The following ERBB4 variants were observed in gnomAD, a reference collection of about 807,000 sequenced individuals.
ERBB4 encodes the protein erb-b2 receptor tyrosine kinase 4.
Under a neutral mutation model 158.0 loss-of-function variants are expected in ERBB4, and 42 were observed. The observed-to-expected ratio is 0.27, with a 90% CI of 0.21 to 0.34. The LOEUF is 0.34. Ranked by LOEUF, ERBB4 falls within the 10% of genes least tolerant of loss-of-function variation. The pLI is 1.00. For missense variants in ERBB4, 1,333 were observed against 1,624.1 expected, an observed-to-expected ratio of 0.82 and a Z score of 3.08; for synonymous variants, 583 against 558.7, an observed-to-expected ratio of 1.04 and a Z score of -0.61.
At chr2:212,479,063 T>C (rs1179004464) in intron 1 of ERBB4, among the ~76,000 whole-genome samples, 1 of 152,198 alleles carries the variant, frequency 6.6e-6, no homozygotes, top group Non-Finnish European at 1.5e-5. Context: ...TTAGGGATGT[T>C]TGTATGGCTG....
chr2:212,382,082 T>C (rs2106413511), intron 1 of ERBB4, among the ~76,000 whole-genome samples: 2 of 150,898 alleles, frequency 1.3e-5, no homozygotes, highest in African/African-American at 4.8e-5. Flanking sequence ...ATTCTGCATT[T>C]CACTATAAAT....
chr2:212,189,896 A>T (rs972105296), intron 1 of ERBB4, among the ~76,000 whole-genome samples: 1 of 152,174 alleles, frequency 6.6e-6, no homozygotes, highest in Non-Finnish European at 1.5e-5. Context: ...AAATATGTAA[A>T]CCAATTATAA....
intron 1 of ERBB4, among the ~76,000 whole-genome samples, chr2:212,317,753 A>C (rs2087357365): frequency 6.6e-6 from 1 of 151,520 alleles, no homozygotes; most frequent in African/African-American, 2.4e-5. Flanking sequence ...TACAGATATA[A>C]AGTGGTAAGG....
At chr2:212,236,580 C>T (rs1046079510) in intron 1 of ERBB4, among the ~76,000 whole-genome samples, 8 of 152,056 alleles carry the variant, frequency 5.3e-5, no homozygotes, top group East Asian at 1.9e-4. Flanking sequence ...AATTTAGCTC[C>T]GAATCCATCT....
intron 1 of ERBB4, among the ~76,000 whole-genome samples, chr2:212,485,960 A>G (rs1425384145): frequency 6.6e-6 from 1 of 152,080 alleles, no homozygotes; most frequent in African/African-American, 2.4e-5. Context: ...TGCCTCAGTA[A>G]TTAGGTTTTC....
At chr2:211,448,709 T>A (rs1003910338) in intron 20 of ERBB4, among the ~76,000 whole-genome samples, 1 of 152,134 alleles carries the variant, frequency 6.6e-6, no homozygotes, top group African/African-American at 2.4e-5. Context: ...ACTTTTAAGA[T>A]TAAGCCCAAG....
chr2:211,855,238 G>C (rs1197336031), intron 3 of ERBB4, among the ~76,000 whole-genome samples: 1 of 151,912 alleles, frequency 6.6e-6, no homozygotes, highest in Non-Finnish European at 1.5e-5. Flanking sequence ...TTTATATTTT[G>C]GATATAAGTC....
At chr2:211,602,771 T>G (rs1339192857) in intron 19 of ERBB4, among the ~76,000 whole-genome samples, 1 of 151,960 alleles carries the variant, frequency 6.6e-6, no homozygotes, top group Non-Finnish European at 1.5e-5. Flanking sequence ...AATACTAAAC[T>G]AAGAAGGAGG....
rs113071358 is a variant in ERBB4, at chr2:212,458,984, T to C, written c.82+79465A>G. On this transcript the variant is annotated intron_variant, in intron 1 of 27. Transcript: ENST00000342788. Reference sequence around the variant, plus strand: ...AATGAGTTACATTCATTCTTACCATTAGACATTTATTAAAAGCTCTATATT... The same window carrying C: ...AATGAGTTACATTCATTCTTACCATCAGACATTTATTAAAAGCTCTATATT... Among the ~76,000 whole-genome samples the C allele has an allele frequency of 9.7e-3, 1,482 of 152,256 alleles. 29 individuals carry two copies. Among genetic ancestry groups the C allele is most frequent in the African/African-American group, 0.034 (1,399 of 41,558 alleles).
At chr2:211,440,350 T>C (rs960521360) in intron 20 of ERBB4, among the ~76,000 whole-genome samples, 2 of 151,876 alleles carry the variant, frequency 1.3e-5, no homozygotes, top group African/African-American at 4.9e-5. Context: ...CTGTAGCAGT[T>C]ATCCTCTGTG....
At chr2:212,207,715 C>G (rs1449289963) in intron 1 of ERBB4, among the ~76,000 whole-genome samples, 1 of 151,848 alleles carries the variant, frequency 6.6e-6, no homozygotes, top group African/African-American at 2.4e-5. Context: ...CAATATATTA[C>G]TTTTCTAATT....
At chr2:212,052,577 G>T (rs912863059) in intron 2 of ERBB4, among the ~76,000 whole-genome samples, 5 of 152,162 alleles carry the variant, frequency 3.3e-5, no homozygotes, top group African/African-American at 1.2e-4. Context: ...TACTTAAAAT[G>T]TGAAACCAGC....
intron 1 of ERBB4, among the ~76,000 whole-genome samples, chr2:212,191,047 T>A (rs1306005952): frequency 2.6e-5 from 4 of 151,932 alleles, no homozygotes; most frequent in Non-Finnish European, 1.5e-5. Context: ...TTTTTTTTTT[T>A]AGATAAAGAT....
At chr2:212,175,328 G>C (rs1429476986) in intron 1 of ERBB4, among the ~76,000 whole-genome samples, 2 of 151,860 alleles carry the variant, frequency 1.3e-5, no homozygotes, top group African/African-American at 2.4e-5. Context: ...AATACCAAAG[G>C]CTTATTGAGA....
chr2:212,217,852 T>C (rs988447632), intron 1 of ERBB4, among the ~76,000 whole-genome samples: 1 of 151,298 alleles, frequency 6.6e-6, no homozygotes, highest in African/African-American at 2.4e-5. Flanking sequence ...AACAAGATAA[T>C]ATATGTAAAG....
chr2:212,336,661 T>C (rs1481747025), intron 1 of ERBB4, among the ~76,000 whole-genome samples: 1 of 152,060 alleles, frequency 6.6e-6, no homozygotes, highest in Non-Finnish European at 1.5e-5. Flanking sequence ...GCCAGTGAAA[T>C]GTTCTTTGCT....
rs2081506511 is a variant in ERBB4 at position 212,171,197 on chromosome 2, C to G, written c.83-46294G>C. 3.9e-5 allele frequency among the ~76,000 whole-genome samples: 6 copies of G among 152,088 alleles called. No homozygotes were observed. In the South Asian group the frequency reaches 1.2e-3, roughly 32 times the overall value. Reference sequence around the variant, plus strand: ...ATTTAGGAGCTTTAAAATTTAATGACTGCCCTGCTGGATTTCAGACTTGCA... The same window carrying G: ...ATTTAGGAGCTTTAAAATTTAATGAGTGCCCTGCTGGATTTCAGACTTGCA... On this transcript the variant is annotated intron_variant, in intron 1 of 27. Coordinates refer to ENST00000342788, the MANE Select transcript of ERBB4 (RefSeq NM_005235.3).
intron 20 of ERBB4, among the ~76,000 whole-genome samples, chr2:211,462,005 A>G (rs2064546354): frequency 6.6e-6 from 1 of 152,170 alleles, no homozygotes; most frequent in African/African-American, 2.4e-5. Flanking sequence ...GGTAATGGCA[A>G]TAAAATGGCA....
chr2:211,922,468 C>T (rs1044000011), intron 3 of ERBB4, among the ~76,000 whole-genome samples: 1 of 151,766 alleles, frequency 6.6e-6, no homozygotes, highest in Non-Finnish European at 1.5e-5. Context: ...TTTAACAGTT[C>T]ATAAAATACT....
Sources: allele counts gnomAD v4.1 joint callset (sites outside exome capture counted in the v4.1 genomes callset), GRCh38; gene constraint gnomAD v4.1.1; transcripts MANE v1.5; gene names NCBI Gene and HGNC (gene_info 2026-07-23, HGNC 2026-07-21).